Variants in GALNT14 observed in about 807,000 individuals in gnomAD.
GALNT14 encodes polypeptide N-acetylgalactosaminyltransferase 14, also known as UDP-GalNAc:polypeptide N-acetylgalactosaminyltransferase 14.
Under a neutral mutation model 77.5 loss-of-function variants are expected in GALNT14, and 60 were observed. The ratio of observed to expected loss-of-function variants is 0.77; its 90% CI spans 0.63 to 0.96. The LOEUF (loss-of-function observed/expected upper bound fraction) is 0.96. GALNT14 is among the 40% of genes least tolerant of loss of function. GALNT14 has a pLI of 0.00. For synonymous variants in GALNT14, 280 were observed against 281.7 expected (o/e 0.99, Z 0.06); for missense variants, 710 against 731.0 (o/e 0.97, Z 0.33).
chr2:31,130,396 C>T (rs1165569714), intron 1 of GALNT14, among the ~76,000 whole-genome samples: 2 of 152,222 alleles, frequency 1.3e-5, no homozygotes, highest in African/African-American at 4.8e-5. Context: ...AGAGGGCCAG[C>T]CACCACTGGA....
the GALNT14 span, among the ~76,000 whole-genome samples, chr2:30,897,941 GAGTCT>G: frequency 1.3e-5 from 2 of 152,230 alleles, no homozygotes; most frequent in Non-Finnish European, 2.9e-5. Flanking sequence ...CCCCACAGGG[GAGTCT>G]CAGCCTGGCC....
chr2:31,030,786 G>A (rs1037268393), intron 1 of GALNT14, among the ~76,000 whole-genome samples: 13 of 152,212 alleles, frequency 8.5e-5, no homozygotes, highest in Non-Finnish European at 1.5e-5. Flanking sequence ...TGGAATATGA[G>A]AGACAGCCAA....
At chr2:31,073,514 T>A (rs548727391) in intron 1 of GALNT14, among the ~76,000 whole-genome samples, 5 of 152,098 alleles carry the variant, frequency 3.3e-5, no homozygotes, top group African/African-American at 1.2e-4. Flanking sequence ...TGGGGAACGA[T>A]GCAAGAGAAG....
At chr2:31,042,466 G>T (rs1186407839) in intron 1 of GALNT14, among the ~76,000 whole-genome samples, 1 of 152,162 alleles carries the variant, frequency 6.6e-6, no homozygotes, top group Middle Eastern at 3.2e-3. Flanking sequence ...CAGACATAGT[G>T]TGGGGTCTGC....
chr2:30,982,153 C>G (rs1669029425), intron 2 of GALNT14, among the ~76,000 whole-genome samples: 1 of 152,018 alleles, frequency 6.6e-6, no homozygotes, highest in African/African-American at 2.4e-5. Flanking sequence ...CAGGGAGAGG[C>G]AAATTTAAAC....
intron 2 of GALNT14, among the ~76,000 whole-genome samples, chr2:30,979,048 G>A (rs1668822326): frequency 1.3e-5 from 2 of 152,368 alleles, no homozygotes; most frequent in South Asian, 4.1e-4. Flanking sequence ...AGTCGGCACA[G>A]GCCATGGCCT....
the GALNT14 span, among the ~76,000 whole-genome samples, chr2:30,892,719 C>A: frequency 1.3e-5 from 2 of 152,156 alleles, no homozygotes; most frequent in Admixed American, 6.5e-5. Context: ...GTGGGTATGG[C>A]AACATTTGGC....
intron 11 of GALNT14, among the ~76,000 whole-genome samples, chr2:30,925,571 A>T (rs894584874): frequency 6.6e-6 from 1 of 152,216 alleles, no homozygotes; most frequent in Non-Finnish European, 1.5e-5. Context: ...GGGGAGAGCA[A>T]GATGAGGACA....
chr2:30,920,189 C>T (rs1468224860), intron 13 of GALNT14, among the ~76,000 whole-genome samples: 1 of 152,174 alleles, frequency 6.6e-6, no homozygotes, highest in Non-Finnish European at 1.5e-5. Flanking sequence ...GCCAGATTCT[C>T]CAAATCCATC....
chr2:30,975,599 T>G (rs572554978), intron 2 of GALNT14, among the ~76,000 whole-genome samples: 12 of 152,374 alleles, frequency 7.9e-5, no homozygotes, highest in African/African-American at 2.9e-4. Context: ...TTTTACCTTT[T>G]TTAATGTGAC....
At chr2:30,911,143 C>T (rs1281196465) in intron 14 of GALNT14, 84 bp from the exon 15 acceptor site, 4 of 1,307,598 alleles carry the variant, frequency 3.1e-6, no homozygotes, top group Non-Finnish European at 2.2e-6. Flanking sequence ...GTAGGTGCCT[C>T]ATGTCTAGGG....
intron 1 of GALNT14, among the ~76,000 whole-genome samples, chr2:31,034,320 C>T (rs1427076846): frequency 2.0e-5 from 3 of 152,200 alleles, no homozygotes; most frequent in African/African-American, 4.8e-5. Context: ...ACTTATAGTG[C>T]ATCTGGAACA....
intron 1 of GALNT14, among the ~76,000 whole-genome samples, chr2:31,126,418 T>C (rs1180796631): frequency 6.6e-6 from 1 of 152,158 alleles, no homozygotes; most frequent in African/African-American, 2.4e-5. Context: ...CTGGCTTACT[T>C]ATAAACAGCA....
chr2:30,903,765 TA>T, the GALNT14 span, among the ~76,000 whole-genome samples: 5 of 152,242 alleles, frequency 3.3e-5, no homozygotes, highest in Non-Finnish European at 5.9e-5. Flanking sequence ...TTTAGGCTGC[TA>T]AATTTCAGGG....
At chr2:31,091,277 T>C (rs1343537744) in intron 1 of GALNT14, among the ~76,000 whole-genome samples, 1 of 152,252 alleles carries the variant, frequency 6.6e-6, no homozygotes, top group East Asian at 1.9e-4. Flanking sequence ...ATAAAAATTA[T>C]ATGAAATTCA....
chr2:31,122,703 T>C (rs1293131075), intron 1 of GALNT14, among the ~76,000 whole-genome samples: 1 of 152,220 alleles, frequency 6.6e-6, no homozygotes, highest in Non-Finnish European at 1.5e-5. Flanking sequence ...ATACATTTTC[T>C]ATAAATGTTT....
chr2:30,987,599 A>G (rs1243865315), intron 2 of GALNT14, among the ~76,000 whole-genome samples: 1 of 152,178 alleles, frequency 6.6e-6, no homozygotes, highest in African/African-American at 2.4e-5. Context: ...TTCTTTTATC[A>G]CATGGTGCCC....
chr2:30,926,002 C>A (rs987528569), intron 11 of GALNT14, among the ~76,000 whole-genome samples: 15 of 152,162 alleles, frequency 9.9e-5, no homozygotes, highest in African/African-American at 3.6e-4. Context: ...TCATCCATGT[C>A]TTTTTCTTCC....
rs370412226 is a variant in GALNT14 at position 31,023,148 on chromosome 2, G to GAAAAACAAAAAC, written c.130-30153_130-30142dup. ...ACTGGTCCAATAAAGCTATAGTGGG[G>GAAAAACAAAAAC]AAAAACAAAAACAAAAACAAAAACA... On this transcript the variant is annotated intron_variant, in intron 1 of 14. Transcript: ENST00000349752. Among the ~76,000 whole-genome samples the GAAAAACAAAAAC allele has an allele frequency of 9.0e-4, 129 of 143,050 alleles. 3 individuals are homozygous for GAAAAACAAAAAC. The South Asian group carries it at 0.013, about 14-fold the overall frequency. The allele number at this position is 143,050 out of a possible 152,430, so 93.8% of individuals were successfully genotyped here. A position where few individuals can be genotyped will look rare whatever the true frequency, so the allele number is the denominator to read the frequency against.
Sources: allele counts gnomAD v4.1 joint callset (sites outside exome capture counted in the v4.1 genomes callset), GRCh38; gene constraint gnomAD v4.1.1; transcripts MANE v1.5; gene names NCBI Gene and HGNC (gene_info 2026-07-23, HGNC 2026-07-21).